The following SHROOM3 variants were observed in gnomAD, a reference collection of about 807,000 sequenced individuals.
SHROOM3 encodes shroom family member 3.
In SHROOM3, 47 loss-of-function variants were observed where a neutral mutation model predicts 138.6. The observed-to-expected ratio is 0.34, with a 90% CI of 0.27 to 0.43. The LOEUF (loss-of-function observed/expected upper bound fraction) is 0.43. SHROOM3 is among the 20% of genes least tolerant of loss of function. The probability of loss-of-function intolerance (pLI) is 1.00; values close to 1 mark genes in which losing one functional copy is unlikely to be tolerated. For synonymous variants in SHROOM3, 1,062 were observed against 1,063.3 expected, an observed-to-expected ratio of 1.00 and a Z score of 0.02; for missense variants, 2,491 against 2,596.5, an observed-to-expected ratio of 0.96 and a Z score of 0.88.
intron 9 of SHROOM3, among the ~76,000 whole-genome samples, chr4:76,760,828 T>C (rs992068739): frequency 6.6e-6 from 1 of 152,210 alleles, no homozygotes; most frequent in African/African-American, 2.4e-5. Context: ...ATAAGACCAC[T>C]TGGCTTTTGG....
At chr4:76,775,930 A>G (rs900031004) in intron 10 of SHROOM3, among the ~76,000 whole-genome samples, 1 of 151,908 alleles carries the variant, frequency 6.6e-6, no homozygotes, top group Admixed American at 6.6e-5. Context: ...TTGTGCTGCT[A>G]TAAACATGGG....
chr4:76,443,152 T>G (rs910099792), intron 1 of SHROOM3, among the ~76,000 whole-genome samples: 1 of 152,250 alleles, frequency 6.6e-6, no homozygotes, highest in African/African-American at 2.4e-5. Flanking sequence ...AAATTAACTA[T>G]TATTTTAGTT....
intron 2 of SHROOM3, among the ~76,000 whole-genome samples, chr4:76,690,596 C>T (rs773533751): frequency 1.3e-4 from 20 of 152,158 alleles, no homozygotes; most frequent in Non-Finnish European, 2.9e-4. Flanking sequence ...TGTCCGTTTC[C>T]AGTTAAAAGC....
At chr4:76,538,410 A>G (rs923283242) in intron 1 of SHROOM3, among the ~76,000 whole-genome samples, 5 of 152,208 alleles carry the variant, frequency 3.3e-5, no homozygotes, top group Non-Finnish European at 5.9e-5. Flanking sequence ...CAAGGAAGAC[A>G]GAGGCCCAAG....
intron 1 of SHROOM3, among the ~76,000 whole-genome samples, chr4:76,533,956 A>C (rs1009301140): frequency 6.6e-6 from 1 of 152,208 alleles, no homozygotes; most frequent in African/African-American, 2.4e-5. Flanking sequence ...ATTTAGCTCT[A>C]TGACCCTGGG....
At chr4:76,515,778 T>C (rs1044546047) in intron 1 of SHROOM3, among the ~76,000 whole-genome samples, 2 of 152,212 alleles carry the variant, frequency 1.3e-5, no homozygotes, top group African/African-American at 4.8e-5. Context: ...CAAATTTAAT[T>C]TTATTATTTA....
At chr4:76,774,472 G>A (rs1722473651) in intron 10 of SHROOM3, among the ~76,000 whole-genome samples, 1 of 151,916 alleles carries the variant, frequency 6.6e-6, no homozygotes, top group African/African-American at 2.4e-5. Context: ...GGCTTTAACT[G>A]AATCTCTAAA....
intron 2 of SHROOM3, among the ~76,000 whole-genome samples, chr4:76,568,045 T>C (rs1430393371): frequency 6.6e-6 from 1 of 152,164 alleles, no homozygotes; most frequent in Non-Finnish European, 1.5e-5. Context: ...CACACCCTTC[T>C]AATCTTTATT....
chr4:76,720,287 G>A (rs1720502795), intron 3 of SHROOM3, among the ~76,000 whole-genome samples: 1 of 149,952 alleles, frequency 6.7e-6, no homozygotes, highest in South Asian at 2.1e-4. Flanking sequence ...CTTTGCTAAT[G>A]GAGTGTTGAA....
At chr4:76,713,200 C>T (rs1470271518) in intron 3 of SHROOM3, among the ~76,000 whole-genome samples, 2 of 152,174 alleles carry the variant, frequency 1.3e-5, no homozygotes, top group Non-Finnish European at 2.9e-5. Context: ...CTTACTGTAA[C>T]TTTATAAACT....
chr4:76,680,521 A>G (rs542774740), intron 2 of SHROOM3, among the ~76,000 whole-genome samples: 3 of 152,312 alleles, frequency 2.0e-5, no homozygotes, highest in South Asian at 2.1e-4. Context: ...TTAAATAAAT[A>G]CCATAAGTGA....
intron 3 of SHROOM3, 32 bp downstream of exon 3, chr4:76,710,319 C>T (rs751851421): frequency 3.0e-5 from 48 of 1,612,436 alleles, no homozygotes; most frequent in Non-Finnish European, 3.7e-5. Flanking sequence ...GCTGGCAGTT[C>T]GGAAAAAGAA....
chr4:76,769,110 TTG>T lies in SHROOM3; in HGVS notation c.5350-1506_5350-1505del, dbSNP rs558184730. Among the ~76,000 whole-genome samples the T allele has an allele frequency of 1.3e-4, 19 of 151,812 alleles. No individual in the cohort carries two copies. In the South Asian group the frequency reaches 3.1e-3, roughly 25 times the overall value. On this transcript the variant is annotated intron_variant, in intron 9 of 10. Coordinates refer to ENST00000296043, the MANE Select transcript of SHROOM3 (RefSeq NM_020859.4). ...GGTCAAAAATATGTTTTTCCTTTTT[TTG>T]TGTGTGTGTTTTTTTTTTCCTTTAA...
At chr4:76,555,998 G>T (rs1315912191) in intron 2 of SHROOM3, among the ~76,000 whole-genome samples, 1 of 152,170 alleles carries the variant, frequency 6.6e-6, no homozygotes, top group African/African-American at 2.4e-5. Flanking sequence ...AGCAGGTACT[G>T]GTTTGTCAGG....
At chr4:76,472,737 C>T (rs1027145623) in intron 1 of SHROOM3, among the ~76,000 whole-genome samples, 2 of 151,614 alleles carry the variant, frequency 1.3e-5, no homozygotes, top group Non-Finnish European at 2.9e-5. Flanking sequence ...CTCTGTCGCC[C>T]ACGCTGGAGT....
intron 1 of SHROOM3, among the ~76,000 whole-genome samples, chr4:76,470,000 C>T (rs921421405): frequency 7.9e-5 from 12 of 152,204 alleles, no homozygotes; most frequent in Admixed American, 7.9e-4. Context: ...CATTGACATA[C>T]ACAGACAGAT....
intron 6 of SHROOM3, among the ~76,000 whole-genome samples, chr4:76,751,276 G>A (rs908596879): frequency 6.6e-6 from 1 of 152,130 alleles, no homozygotes; most frequent in South Asian, 2.1e-4. Context: ...TTTGGAAGGT[G>A]GAATTTGGAG....
intron 2 of SHROOM3, among the ~76,000 whole-genome samples, chr4:76,678,432 T>C (rs1719100639): frequency 6.6e-6 from 1 of 152,206 alleles, no homozygotes; most frequent in African/African-American, 2.4e-5. Context: ...TTCTTGCTTT[T>C]ATCTCTTGAA....
In SHROOM3 at chr4:76,756,453, A is replaced by C. The variant is rs375924200; in HGVS notation, c.4714A>C (p.Asn1572His). 3.1e-6 allele frequency: 5 copies of C among 1,608,548 alleles called. 1 individual carries two copies. Among genetic ancestry groups the C allele is most frequent in the South Asian group, 2.2e-5 (2 of 90,158 alleles). The change falls in exon 8 of 11, where the codon AAC becomes CAC. Residue 1572 changes from asparagine to histidine, a missense_variant. By Grantham distance (68) the Asn-to-His change is moderately conservative. This residue lies in a region of SHROOM3 where 470 missense variants were observed against 595.0 expected (regional missense o/e 0.79). Transcript: ENST00000296043. ...EDPEGPRPSF[N>H]KLSKVTIARE... ...TTTTTTAAATATCCCTGGCAGCTTC[A>C]ACAAACTTTCTAAAGTGACAATTGC...
Sources: gnomAD v4.1 joint callset for allele counts (sites outside exome capture counted in the v4.1 genomes callset) on GRCh38, gnomAD v4.1.1 for gene constraint, gnomAD v4.1.1 regional missense constraint, MANE v1.5 for transcripts, NCBI Gene and HGNC (gene_info 2026-07-23, HGNC 2026-07-21) for gene names.